Variants in WWOX observed in about 807,000 individuals in gnomAD.
WWOX encodes WW domain containing oxidoreductase, also known as WW domain-containing oxidoreductase.
Under a neutral mutation model 46.2 loss-of-function variants are expected in WWOX, and 69 were observed. The observed-to-expected ratio is 1.49, with a 90% CI of 1.23 to 1.82. The LOEUF is 1.82. Ranked by LOEUF, WWOX falls within the 40% of genes most tolerant of loss-of-function variation. The pLI is 0.00. For synonymous variants in WWOX, 359 were observed against 202.6 expected (o/e 1.77, Z -6.56); for missense variants, 919 against 542.6 (o/e 1.69, Z -6.89).
intron 5 of WWOX, among the ~76,000 whole-genome samples, chr16:78,272,704 C>T (rs2079502577): frequency 6.6e-6 from 1 of 152,248 alleles, no homozygotes; most frequent in East Asian, 1.9e-4. Flanking sequence ...GGGAAATGTT[C>T]ACAACGTTCC....
At chr16:78,718,386 T>C (rs892689279) in intron 8 of WWOX, among the ~76,000 whole-genome samples, 1 of 152,172 alleles carries the variant, frequency 6.6e-6, no homozygotes, top group African/African-American at 2.4e-5. Flanking sequence ...ATTGTGTTTT[T>C]ATAGTATTTG....
intron 8 of WWOX, among the ~76,000 whole-genome samples, chr16:79,055,373 C>T (rs563466581): frequency 6.6e-6 from 1 of 152,240 alleles, no homozygotes; most frequent in Non-Finnish European, 1.5e-5. Context: ...CTAGGCTGCA[C>T]TTATTCGTTT....
At chr16:78,728,443 T>C (rs370761931) in intron 8 of WWOX, among the ~76,000 whole-genome samples, 42 of 152,326 alleles carry the variant, frequency 2.8e-4, no homozygotes, top group African/African-American at 9.6e-4. Flanking sequence ...GCTACATTTC[T>C]TCTCCAGTGC....
chr16:78,312,304 C>T, intron 5 of WWOX, among the ~76,000 whole-genome samples: 1 of 150,430 alleles, frequency 6.6e-6, no homozygotes, highest in Non-Finnish European at 1.5e-5. Context: ...ATTTTAGCTT[C>T]TTTCTCCGTT....
At chr16:78,214,127 C>T (rs1289523911) in intron 5 of WWOX, among the ~76,000 whole-genome samples, 1 of 152,172 alleles carries the variant, frequency 6.6e-6, no homozygotes, top group African/African-American at 2.4e-5. Flanking sequence ...ACTGGGTCCA[C>T]ATCAGCTCCA....
At chr16:78,825,783 C>T (rs1289739731) in intron 8 of WWOX, 9 of 592,032 alleles carry the variant, frequency 1.5e-5, no homozygotes, top group East Asian at 6.4e-5. Context: ...TACATTGATG[C>T]TGTTGTGTGC....
chr16:78,100,004 C>G (rs1291232228), intron 1 of WWOX, 119 bp downstream of exon 1: 56 of 1,494,258 alleles, frequency 3.7e-5, no homozygotes, highest in Non-Finnish European at 4.7e-5. Context: ...GTGAAAGTAA[C>G]TGTTAAGGAG....
At chr16:78,500,906 AGTGTGTCTCTT>A (rs2085047232) in intron 8 of WWOX, among the ~76,000 whole-genome samples, 1 of 152,232 alleles carries the variant, frequency 6.6e-6, no homozygotes, top group African/African-American at 2.4e-5. Flanking sequence ...ATTCAAAGCC[AGTGTGTCTCTT>A]TCTCTGGACG....
intron 8 of WWOX, among the ~76,000 whole-genome samples, chr16:78,817,581 C>T (rs2051369338): frequency 6.6e-6 from 1 of 152,160 alleles, no homozygotes. Flanking sequence ...GCTACAAAAC[C>T]TCTCGCTTGG....
At chr16:79,030,843 G>A (rs1361815994) in intron 8 of WWOX, among the ~76,000 whole-genome samples, 1 of 152,154 alleles carries the variant, frequency 6.6e-6, no homozygotes, top group African/African-American at 2.4e-5. Context: ...AGCACTTTGG[G>A]AGGCTGAGGC....
At chr16:78,923,030 G>A (rs1567651738) in intron 8 of WWOX, among the ~76,000 whole-genome samples, 3 of 141,224 alleles carry the variant, frequency 2.1e-5, no homozygotes, top group Non-Finnish European at 4.5e-5. Context: ...TGCCCAGGCT[G>A]GAGTGCAATG....
At chr16:78,838,124 T>A (rs926206005) in intron 8 of WWOX, among the ~76,000 whole-genome samples, 1 of 152,142 alleles carries the variant, frequency 6.6e-6, no homozygotes, top group Non-Finnish European at 1.5e-5. Flanking sequence ...CTTGAGAGCC[T>A]CCTCCTTCAA....
At chr16:78,446,656 A>G (rs1383829148) in intron 8 of WWOX, among the ~76,000 whole-genome samples, 1 of 126,574 alleles carries the variant, frequency 7.9e-6, no homozygotes, top group Admixed American at 7.8e-5. Context: ...CCAAGTGTAT[A>G]CTTTTTTTTT....
At chr16:78,798,298 G>A (rs982505066) in intron 8 of WWOX, among the ~76,000 whole-genome samples, 1 of 151,920 alleles carries the variant, frequency 6.6e-6, no homozygotes, top group African/African-American at 2.4e-5. Flanking sequence ...TCAGATTGAC[G>A]CTTTTCAAGA....
chr16:78,438,527 C>T (rs894730545), intron 8 of WWOX, among the ~76,000 whole-genome samples: 2 of 151,974 alleles, frequency 1.3e-5, no homozygotes, highest in African/African-American at 2.4e-5. Context: ...AGGTCCAAGC[C>T]GGTCCTTTGT....
chr16:79,066,591 C>A (rs556721433), intron 8 of WWOX, among the ~76,000 whole-genome samples: 4 of 152,316 alleles, frequency 2.6e-5, no homozygotes, highest in African/African-American at 9.6e-5. Flanking sequence ...TCTGAAAGCT[C>A]ACCTCTTTAC....
intron 8 of WWOX, among the ~76,000 whole-genome samples, chr16:79,164,597 G>A (rs560572754): frequency 9.2e-5 from 14 of 152,258 alleles, no homozygotes; most frequent in African/African-American, 3.1e-4. Flanking sequence ...GGAGACCTCC[G>A]GCTGACACCA....
chr16:78,783,643 C>G (rs1470581003), intron 8 of WWOX, among the ~76,000 whole-genome samples: 1 of 152,072 alleles, frequency 6.6e-6, no homozygotes, highest in African/African-American at 2.4e-5. Flanking sequence ...TGGCATACCC[C>G]ATATCTTTTA....
intron 5 of WWOX, among the ~76,000 whole-genome samples, chr16:78,321,929 T>C (rs2080493091): frequency 6.6e-6 from 1 of 152,188 alleles, no homozygotes; most frequent in South Asian, 2.1e-4. Context: ...ATTTTAGTTG[T>C]GAGTGGTTGT....
Sources: gnomAD v4.1 joint callset for allele counts (sites outside exome capture counted in the v4.1 genomes callset) on GRCh38, gnomAD v4.1.1 for gene constraint, MANE v1.5 for transcripts, NCBI Gene and HGNC (gene_info 2026-07-23, HGNC 2026-07-21) for gene names.